Variants in NKAIN3 observed in about 807,000 individuals in gnomAD.
The protein encoded by NKAIN3 is sodium/potassium transporting ATPase interacting 3.
In NKAIN3, 25 loss-of-function variants were observed where a neutral mutation model predicts 30.2. The ratio of observed to expected loss-of-function variants is 0.83; its 90% confidence interval spans 0.60 to 1.16. The LOEUF is 1.16. Among genes scored for constraint, NKAIN3 ranks in the 50% most tolerant of loss-of-function variants. The pLI is 0.00. For missense variants in NKAIN3, 225 were observed against 254.1 expected, an observed-to-expected ratio of 0.89 and a Z score of 0.78; for synonymous variants, 91 against 89.6, an observed-to-expected ratio of 1.02 and a Z score of -0.09.
intron 1 of NKAIN3, among the ~76,000 whole-genome samples, chr8:62,369,606 G>T (rs1221424679): frequency 6.6e-6 from 1 of 151,962 alleles, no homozygotes; most frequent in Non-Finnish European, 1.5e-5. Flanking sequence ...GAATGTCTTT[G>T]CTCTTGAGAG....
Position 62,984,274 on chromosome 8 carries a change from T to G in NKAIN3, c.*18867T>G, listed in dbSNP as rs923531607. On this transcript the variant is annotated 3_prime_UTR_variant, in exon 7 of 7. Coordinates refer to ENST00000623646, the MANE Select transcript of NKAIN3 (RefSeq NM_001304533.3). The stretch of plus-strand genomic sequence containing the variant: ...AAAATATTGGAAGTACCTAGGGCAT[T>G]TCATTATATTTCAAAGGCACAGGTT... The G allele has an allele frequency of 6.6e-6, 1 of 152,200 alleles. No homozygotes were observed. The highest frequency in any genetic ancestry group is 1.5e-5 in the Non-Finnish European group (1 of 68,034). 9.4% of individuals were successfully genotyped at this position (152,200 alleles called of 1,614,324 possible). A position where few individuals can be genotyped will look rare whatever the true frequency, so the allele number is the denominator to read the frequency against.
intron 1 of NKAIN3, among the ~76,000 whole-genome samples, chr8:62,542,674 C>A (rs953027269): frequency 6.6e-6 from 1 of 152,066 alleles, no homozygotes; most frequent in Non-Finnish European, 1.5e-5. Flanking sequence ...AATATTTAAA[C>A]CACATGTTAA....
Position 62,402,025 on chromosome 8 carries a change from C to G in NKAIN3, c.54+152898C>G, listed in dbSNP as rs571159448. Among the ~76,000 whole-genome samples, 3 of 152,206 alleles carry G rather than the reference C, an allele frequency of 2.0e-5. No individual in the cohort carries two copies. In the East Asian group the frequency reaches 5.8e-4, roughly 29 times the overall value. Reference sequence around the variant, plus strand: ...CAGGGCTTCAAGTGTCCCCTGATCACAGTTAGGTCCAGAGATGCTGTCTGG... The same window carrying G: ...CAGGGCTTCAAGTGTCCCCTGATCAGAGTTAGGTCCAGAGATGCTGTCTGG... On this transcript the variant is annotated intron_variant, in intron 1 of 6. Transcript: ENST00000623646.
At chr8:62,551,537 G>A (rs1431746578) in intron 1 of NKAIN3, among the ~76,000 whole-genome samples, 1 of 152,134 alleles carries the variant, frequency 6.6e-6, no homozygotes, top group Non-Finnish European at 1.5e-5. Flanking sequence ...TTGTATGTTT[G>A]GTGCTGGAAT....
intron 4 of NKAIN3, among the ~76,000 whole-genome samples, chr8:62,827,260 T>A (rs985117601): frequency 3.3e-5 from 5 of 152,162 alleles, no homozygotes; most frequent in Non-Finnish European, 4.4e-5. Flanking sequence ...TAAGAGAGCA[T>A]GGGATCTCTT....
At chr8:62,863,852 T>C (rs1820333949) in intron 4 of NKAIN3, 10 of 1,594,306 alleles carry the variant, frequency 6.3e-6, no homozygotes, top group South Asian at 1.1e-5. Flanking sequence ...CACTGGATGA[T>C]AGCCACCTTT....
At chr8:62,703,942 C>T (rs773063345) in intron 3 of NKAIN3, among the ~76,000 whole-genome samples, 2 of 152,090 alleles carry the variant, frequency 1.3e-5, no homozygotes, top group Non-Finnish European at 2.9e-5. Context: ...CATTTGCTCT[C>T]TGTTCATATA....
At chr8:62,457,807 A>G (rs1185116657) in intron 1 of NKAIN3, among the ~76,000 whole-genome samples, 1 of 152,184 alleles carries the variant, frequency 6.6e-6, no homozygotes, top group Non-Finnish European at 1.5e-5. Flanking sequence ...GCCATATATT[A>G]TAAATTGCTT....
At chr8:62,896,300 T>C (rs531824969) in intron 4 of NKAIN3, among the ~76,000 whole-genome samples, 164 of 152,220 alleles carry the variant, frequency 1.1e-3, no homozygotes, top group African/African-American at 3.6e-3. Context: ...TCCACCCTCA[T>C]GACCTAATTA....
At chr8:62,363,244 A>G (rs949004896) in intron 1 of NKAIN3, among the ~76,000 whole-genome samples, 1 of 152,208 alleles carries the variant, frequency 6.6e-6, no homozygotes, top group African/African-American at 2.4e-5. Context: ...GCCTTTGTGC[A>G]TACCTAAGAC....
At chr8:62,620,422 C>T (rs1013672815) in intron 3 of NKAIN3, among the ~76,000 whole-genome samples, 7 of 152,050 alleles carry the variant, frequency 4.6e-5, no homozygotes, top group Non-Finnish European at 8.8e-5. Context: ...TGCCATATGC[C>T]ATATGCCATA....
At chr8:62,279,544 T>A (rs562504007) in intron 1 of NKAIN3, among the ~76,000 whole-genome samples, 36 of 152,338 alleles carry the variant, frequency 2.4e-4, no homozygotes, top group African/African-American at 8.2e-4. Flanking sequence ...TTGAATTAAT[T>A]GTTGTATAAG....
chr8:62,354,589 A>G (rs1041667013), intron 1 of NKAIN3, among the ~76,000 whole-genome samples: 1 of 152,106 alleles, frequency 6.6e-6, no homozygotes, highest in Non-Finnish European at 1.5e-5. Context: ...GACTACAGGC[A>G]TGTGCCACTG....
intron 1 of NKAIN3, among the ~76,000 whole-genome samples, chr8:62,318,365 G>A (rs540625708): frequency 2.0e-5 from 3 of 152,294 alleles, no homozygotes; most frequent in African/African-American, 7.2e-5. Context: ...GGGCATCCCT[G>A]TCTTGTGCCA....
intron 3 of NKAIN3, among the ~76,000 whole-genome samples, chr8:62,745,320 TC>T (rs1816033597): frequency 6.6e-6 from 1 of 152,166 alleles, no homozygotes; most frequent in African/African-American, 2.4e-5. Flanking sequence ...TCAGCAAAAG[TC>T]ACGTACGGAC....
chr8:62,292,460 G>T (rs1813678293), intron 1 of NKAIN3, among the ~76,000 whole-genome samples: 1 of 152,246 alleles, frequency 6.6e-6, no homozygotes, highest in East Asian at 1.9e-4. Context: ...GCTTTTGTTT[G>T]TCTGTAAAGG....
intron 1 of NKAIN3, among the ~76,000 whole-genome samples, chr8:62,317,752 C>A (rs1814693418): frequency 1.3e-5 from 2 of 152,164 alleles, no homozygotes; most frequent in South Asian, 4.1e-4. Flanking sequence ...ATTGACTTGG[C>A]AATGTGGACT....
intron 1 of NKAIN3, among the ~76,000 whole-genome samples, chr8:62,275,118 G>T (rs1221104349): frequency 6.6e-6 from 1 of 152,138 alleles, no homozygotes; most frequent in East Asian, 1.9e-4. Flanking sequence ...CCCAGTAATG[G>T]AATGGCTGGG....
At chr8:62,284,197 A>G (rs1017405461) in intron 1 of NKAIN3, among the ~76,000 whole-genome samples, 2 of 152,106 alleles carry the variant, frequency 1.3e-5, no homozygotes, top group African/African-American at 4.8e-5. Flanking sequence ...CTGGCTCACA[A>G]AAGTATGTTT....
Sources: allele counts gnomAD v4.1 joint callset (sites outside exome capture counted in the v4.1 genomes callset), GRCh38; gene constraint gnomAD v4.1.1; transcripts MANE v1.5; gene names NCBI Gene and HGNC (gene_info 2026-07-23, HGNC 2026-07-21).